IQCM: variants seen among roughly 807,000 people sequenced by gnomAD.
IQCM encodes IQ domain-containing protein M.
IQCM carries 45 observed loss-of-function variants against 57.6 expected under a neutral mutation model. The observed-to-expected ratio is 0.78, with a 90% CI of 0.62 to 1.00. The LOEUF is 1.00. Among genes scored for constraint, IQCM ranks in the 50% least tolerant of loss-of-function variants. The pLI, the probability that IQCM is intolerant of heterozygous loss-of-function variation, is 0.00. For missense variants in IQCM, 468 were observed against 511.6 expected, an observed-to-expected ratio of 0.91 and a Z score of 0.82; for synonymous variants, 148 against 158.9, an observed-to-expected ratio of 0.93 and a Z score of 0.51.
At chr4:149,491,120 A>T (rs1742046728) in intron 12 of IQCM, among the ~76,000 whole-genome samples, 1 of 151,598 alleles carries the variant, frequency 6.6e-6, no homozygotes, top group African/African-American at 2.4e-5. Context: ...TGACTTTTGA[A>T]CTCCTGACCC....
rs376207342 is a variant in IQCM, at chr4:149,757,102, CAA to C, written c.-48-14365_-48-14364del. ...TGAAACCCCATCTCTACTAAAAATA[CAA>C]AAAATTAGCCGGGCATGGTGGCAGG... On this transcript the variant is annotated intron_variant, in intron 2 of 13. Coordinates refer to ENST00000636793, the MANE Select transcript of IQCM (RefSeq NM_001363507.2). Among the ~76,000 whole-genome samples the C allele has an allele frequency of 2.6e-3, 389 of 151,854 alleles. 3 individuals are homozygous for C. The highest frequency in any genetic ancestry group is 8.8e-3 in the African/African-American group (364 of 41,444).
At chr4:149,491,028 A>G (rs185537682) in intron 12 of IQCM, among the ~76,000 whole-genome samples, 17 of 152,110 alleles carry the variant, frequency 1.1e-4, no homozygotes, top group African/African-American at 4.1e-4. Flanking sequence ...GGAACTGATT[A>G]TTGTCTTCAA....
intron 12 of IQCM, among the ~76,000 whole-genome samples, chr4:149,539,678 T>C (rs1038701557): frequency 3.3e-5 from 5 of 152,020 alleles, no homozygotes; most frequent in Non-Finnish European, 1.5e-5. Context: ...CTGGCCAACA[T>C]GGTGAAACCC....
In IQCM at chr4:149,776,772, G is replaced by A. The variant is rs936377262; in HGVS notation, c.-48-34033C>T. ...AATTGTCTTTTAAGTTGTAACAAAT[G>A]AAGAATGGCTAAGAAGACATAAAAA... On this transcript the variant is annotated intron_variant, in intron 2 of 13. Transcript: ENST00000636793. Among the ~76,000 whole-genome samples the A allele has an allele frequency of 2.8e-4, 42 of 152,060 alleles. 1 individual carries two copies. The highest frequency in any genetic ancestry group is 9.9e-4 in the African/African-American group (41 of 41,500).
intron 5 of IQCM, among the ~76,000 whole-genome samples, chr4:149,696,712 G>GGCTATGAGTCAGCTGGCTTAGAC (rs1417854111): frequency 6.6e-6 from 1 of 152,098 alleles, no homozygotes; most frequent in African/African-American, 2.4e-5. Context: ...TTCTGCTTCA[G>GGCTATGAGTCAGCTGGCTTAGAC]GCTATGAGTC....
chr4:149,569,736 A>G (rs1750979101), intron 9 of IQCM, among the ~76,000 whole-genome samples: 1 of 152,144 alleles, frequency 6.6e-6, no homozygotes, highest in Admixed American at 6.6e-5. Context: ...CATAACCATG[A>G]ACCTGTTAGA....
chr4:149,438,376 C>T (rs1335827976), intron 12 of IQCM, among the ~76,000 whole-genome samples: 1 of 152,012 alleles, frequency 6.6e-6, no homozygotes, highest in African/African-American at 2.4e-5. Context: ...ATTGCTAATG[C>T]ATCCTTCATG....
intron 12 of IQCM, among the ~76,000 whole-genome samples, chr4:149,534,832 T>C (rs1747123895): frequency 6.6e-6 from 1 of 152,122 alleles, no homozygotes; most frequent in Admixed American, 6.6e-5. Context: ...GGACCAATCA[T>C]GGCTCTAGAG....
intron 5 of IQCM, among the ~76,000 whole-genome samples, chr4:149,701,800 A>G (rs986296191): frequency 8.5e-5 from 13 of 152,148 alleles, no homozygotes; most frequent in African/African-American, 3.1e-4. Context: ...ATCAAGAATC[A>G]CTTTACTTTT....
At chr4:149,631,004 A>C (rs1470509019) in intron 7 of IQCM, among the ~76,000 whole-genome samples, 2 of 152,172 alleles carry the variant, frequency 1.3e-5, no homozygotes, top group African/African-American at 4.8e-5. Flanking sequence ...TACCCAGACC[A>C]ATTGTGCAAG....
At chr4:149,600,722 A>T (rs1467922214) in intron 8 of IQCM, among the ~76,000 whole-genome samples, 2 of 152,190 alleles carry the variant, frequency 1.3e-5, no homozygotes, top group African/African-American at 4.8e-5. Flanking sequence ...AGAATTATCT[A>T]AAAGAATGAT....
Position 149,716,932 on chromosome 4 carries a change from T to G in IQCM, c.385+16312A>C, listed in dbSNP as rs543968314. Among the ~76,000 whole-genome samples the G allele has an allele frequency of 4.6e-5, 7 of 152,296 alleles. No homozygotes were observed. The East Asian group carries it at 1.4e-3, about 29-fold the overall frequency. ...CAAAAATCCCTGAACTATGGGAGTTTGGAGAGCTTCCAGGTTGGCAAGCAC... is the reference window on the plus strand; with the variant it reads ...CAAAAATCCCTGAACTATGGGAGTTGGGAGAGCTTCCAGGTTGGCAAGCAC... On this transcript the variant is annotated intron_variant, in intron 5 of 13. Coordinates refer to ENST00000636793, the MANE Select transcript of IQCM (RefSeq NM_001363507.2).
rs76141719 is a variant in IQCM, at chr4:149,560,006, G to A, written c.948+3686C>T. ...ATGCCTGATGATCTGAAGCAGAACA[G>A]TTTCATCCTGAAAATATCCCTGCCC... On this transcript the variant is annotated intron_variant, in intron 10 of 13. Coordinates refer to ENST00000636793, the MANE Select transcript of IQCM (RefSeq NM_001363507.2). Among the ~76,000 whole-genome samples the A allele has an allele frequency of 7.4e-4, 112 of 152,298 alleles. 1 individual carries two copies. The East Asian group carries it at 0.019, about 26-fold the overall frequency.
chr4:149,653,952 A>G (rs534359325), intron 7 of IQCM, among the ~76,000 whole-genome samples: 17 of 152,230 alleles, frequency 1.1e-4, no homozygotes, highest in African/African-American at 3.9e-4. Context: ...GTGGATACAC[A>G]TATATTAAAT....
intron 7 of IQCM, among the ~76,000 whole-genome samples, chr4:149,664,504 G>A (rs1760514350): frequency 6.6e-6 from 1 of 152,024 alleles, no homozygotes; most frequent in African/African-American, 2.4e-5. Flanking sequence ...TGGTGCATTG[G>A]CTTTGGTTCT....
intron 2 of IQCM, among the ~76,000 whole-genome samples, chr4:149,785,386 T>C (rs957460427): frequency 2.6e-5 from 4 of 152,156 alleles, no homozygotes; most frequent in African/African-American, 9.7e-5. Flanking sequence ...ATGTATAAAA[T>C]AAGGAACTCA....
chr4:149,392,125 G>GT (rs34228770), intron 13 of IQCM, among the ~76,000 whole-genome samples: 76,525 of 145,968 alleles, frequency 0.52, 20,197 homozygotes, highest in African/African-American at 0.58. Context: ...AATTTTGTCA[G>GT]TTTTTTTTTT....
At chr4:149,580,608 C>G (rs577072456) in intron 9 of IQCM, among the ~76,000 whole-genome samples, 29 of 151,790 alleles carry the variant, frequency 1.9e-4, no homozygotes, top group African/African-American at 7.0e-4. Context: ...TCTTTGTAAA[C>G]AAGGTAGGGA....
chr4:149,455,404 A>T (rs1737585823), intron 12 of IQCM, among the ~76,000 whole-genome samples: 1 of 152,022 alleles, frequency 6.6e-6, no homozygotes, highest in Non-Finnish European at 1.5e-5. Flanking sequence ...ATCCTGTGAG[A>T]ATGCCCTTCC....
Sources: gnomAD v4.1 joint callset for allele counts (sites outside exome capture counted in the v4.1 genomes callset) on GRCh38, gnomAD v4.1.1 for gene constraint, MANE v1.5 for transcripts, NCBI Gene and HGNC (gene_info 2026-07-23, HGNC 2026-07-21) for gene names.